The following CSMD1 variants were observed in gnomAD, a reference collection of about 807,000 sequenced individuals.
CSMD1 encodes the protein CUB and sushi domain-containing protein 1.
In CSMD1, 213 loss-of-function variants were observed where a neutral mutation model predicts 417.5. The observed-to-expected ratio is 0.51, with a 90% CI of 0.46 to 0.57. CSMD1 has a LOEUF of 0.57. CSMD1 is among the 20% of genes least tolerant of loss of function. The pLI is 0.00. For missense variants in CSMD1, 6,923 were observed against 4,529.7 expected, an observed-to-expected ratio of 1.53 and a Z score of -15.17; for synonymous variants, 2,862 against 1,736.8, an observed-to-expected ratio of 1.65 and a Z score of -16.11.
In CSMD1 at chr8:3,666,374, G is replaced by A. The variant is rs903807314; in HGVS notation, c.1009+42040C>T. On this transcript the variant is annotated intron_variant, in intron 7 of 69. Transcript: ENST00000635120. ...TCCGTTTAAAATGACATATTCAGTA[G>A]AGTTCAAGTAATTGATTAAAAATTT... 3.3e-5 allele frequency among the ~76,000 whole-genome samples: 5 copies of A among 152,294 alleles called. No homozygotes were observed. In the South Asian group the frequency reaches 6.2e-4, roughly 19 times the overall value.
chr8:4,827,803 A>G (rs967032852), intron 1 of CSMD1, among the ~76,000 whole-genome samples: 3 of 152,196 alleles, frequency 2.0e-5, no homozygotes, highest in Non-Finnish European at 4.4e-5. Context: ...AAACCCCTGG[A>G]AAATTTTTAC....
At chr8:3,599,013 A>G (rs947898961) in intron 8 of CSMD1, among the ~76,000 whole-genome samples, 3 of 152,042 alleles carry the variant, frequency 2.0e-5, no homozygotes, top group African/African-American at 7.2e-5. Flanking sequence ...TGTGGGAGGT[A>G]GGGGTTGCAG....
chr8:4,934,300 T>C (rs12679731), intron 1 of CSMD1, among the ~76,000 whole-genome samples: 144,221 of 152,264 alleles, frequency 0.95, 68,674 homozygotes, highest in East Asian at 1. Flanking sequence ...CATACAGTTG[T>C]CCATATCAAC....
chr8:3,696,806 T>A (rs537329807), intron 7 of CSMD1, among the ~76,000 whole-genome samples: 1 of 152,356 alleles, frequency 6.6e-6, no homozygotes, highest in Admixed American at 6.5e-5. Flanking sequence ...TTTCTTCTAC[T>A]CTTTATCATT....
intron 2 of CSMD1, among the ~76,000 whole-genome samples, chr8:4,509,159 G>C (rs913734895): frequency 5.3e-5 from 8 of 152,148 alleles, no homozygotes; most frequent in Non-Finnish European, 1.0e-4. Context: ...AGGGAGAATT[G>C]AAGTATTAAT....
At chr8:3,763,309 T>C (rs1487130427) in intron 5 of CSMD1, among the ~76,000 whole-genome samples, 2 of 152,164 alleles carry the variant, frequency 1.3e-5, no homozygotes, top group Admixed American at 6.5e-5. Flanking sequence ...ATTGCCGGTA[T>C]TGGAGGTGGG....
chr8:4,990,786 A>T (rs1342615921), intron 1 of CSMD1, among the ~76,000 whole-genome samples: 1 of 152,046 alleles, frequency 6.6e-6, no homozygotes, highest in African/African-American at 2.4e-5. Context: ...TGACCTGCAA[A>T]TTAAAGGTCT....
At chr8:3,957,171 T>C (rs1812008855) in intron 5 of CSMD1, among the ~76,000 whole-genome samples, 1 of 152,062 alleles carries the variant, frequency 6.6e-6, no homozygotes, top group Non-Finnish European at 1.5e-5. Context: ...CTCTGCTAGA[T>C]CCCTGATGTA....
intron 8 of CSMD1, among the ~76,000 whole-genome samples, chr8:3,609,752 C>T (rs1055922296): frequency 4.9e-5 from 7 of 141,950 alleles, no homozygotes; most frequent in Non-Finnish European, 9.2e-5. Flanking sequence ...AAAAAAAAAA[C>T]CGAATTACCT....
chr8:3,553,312 C>G (rs561838993), intron 10 of CSMD1, among the ~76,000 whole-genome samples: 1 of 152,096 alleles, frequency 6.6e-6, no homozygotes, highest in African/African-American at 2.4e-5. Context: ...GACATGAGAG[C>G]CAATTTCAGG....
intron 5 of CSMD1, among the ~76,000 whole-genome samples, chr8:3,856,704 G>C (rs960716695): frequency 6.6e-6 from 1 of 152,204 alleles, no homozygotes; most frequent in Non-Finnish European, 1.5e-5. Flanking sequence ...TGGGAAGATA[G>C]GGTATGCTGT....
At chr8:3,276,630 G>C (rs1802315351) in intron 26 of CSMD1, among the ~76,000 whole-genome samples, 1 of 152,010 alleles carries the variant, frequency 6.6e-6, no homozygotes, top group Non-Finnish European at 1.5e-5. Flanking sequence ...ATAAGTTTTG[G>C]GTGGGGACAC....
intron 23 of CSMD1, among the ~76,000 whole-genome samples, chr8:3,338,116 C>T (rs183188311): frequency 1.4e-4 from 21 of 152,292 alleles, no homozygotes; most frequent in African/African-American, 5.1e-4. Flanking sequence ...CAAAAGGACC[C>T]CCTTGAGGAG....
intron 5 of CSMD1, among the ~76,000 whole-genome samples, chr8:3,922,128 A>T (rs1306453529): frequency 7.1e-6 from 1 of 140,566 alleles, no homozygotes; most frequent in African/African-American, 2.4e-5. Context: ...TTATATTATG[A>T]CATTCTTTCT....
At chr8:3,943,006 T>A (rs1810984297) in intron 5 of CSMD1, among the ~76,000 whole-genome samples, 1 of 152,120 alleles carries the variant, frequency 6.6e-6, no homozygotes, top group Non-Finnish European at 1.5e-5. Context: ...AGGTCTAAAT[T>A]ATTAAGTTTT....
At chr8:4,511,798 G>C (rs1802835110) in intron 2 of CSMD1, among the ~76,000 whole-genome samples, 1 of 152,106 alleles carries the variant, frequency 6.6e-6, no homozygotes, top group African/African-American at 2.4e-5. Flanking sequence ...TCAATCATCA[G>C]GGGTCTACAC....
intron 3 of CSMD1, among the ~76,000 whole-genome samples, chr8:4,077,173 A>G (rs561701179): frequency 1.7e-3 from 256 of 151,522 alleles, no homozygotes; most frequent in African/African-American, 6.0e-3. Context: ...CCCAATGGGT[A>G]AAAACTGGTG....
At chr8:3,894,688 T>C (rs1228840601) in intron 5 of CSMD1, among the ~76,000 whole-genome samples, 1 of 152,146 alleles carries the variant, frequency 6.6e-6, no homozygotes, top group Non-Finnish European at 1.5e-5. Flanking sequence ...AGTTCATTGA[T>C]CCTTTTTCCT....
intron 1 of CSMD1, among the ~76,000 whole-genome samples, chr8:4,817,214 G>A (rs769042099): frequency 6.6e-6 from 1 of 152,072 alleles, no homozygotes; most frequent in Admixed American, 6.5e-5. Context: ...ATATGTATAT[G>A]ATTTTAACCT....
Sources: allele counts gnomAD v4.1 joint callset (sites outside exome capture counted in the v4.1 genomes callset), GRCh38; gene constraint gnomAD v4.1.1; transcripts MANE v1.5; gene names NCBI Gene and HGNC (gene_info 2026-07-23, HGNC 2026-07-21).